The following SLC9C1 variants were observed in gnomAD, a reference collection of about 807,000 sequenced individuals.
The protein encoded by SLC9C1 is sodium/hydrogen exchanger 10.
A neutral mutation model predicts 140.9 loss-of-function variants in SLC9C1; 97 were observed. That is an observed-to-expected ratio of 0.69 (90% CI 0.58 to 0.82). The LOEUF is 0.82. Among genes scored for constraint, SLC9C1 ranks in the 40% least tolerant of loss-of-function variants. SLC9C1 has a pLI of 0.00. For missense variants in SLC9C1, 1,340 were observed against 1,389.3 expected (o/e 0.96, Z 0.56); for synonymous variants, 440 against 442.6 (o/e 0.99, Z 0.07).
chr3:112,171,473 T>C (rs1485596062), intron 23 of SLC9C1, among the ~76,000 whole-genome samples: 2 of 152,218 alleles, frequency 1.3e-5, no homozygotes, highest in African/African-American at 4.8e-5. Context: ...TTCTTATTTT[T>C]GAATTGTTAA....
At chr3:112,234,787 T>C (rs2078937401) in intron 12 of SLC9C1, among the ~76,000 whole-genome samples, 1 of 152,180 alleles carries the variant, frequency 6.6e-6, no homozygotes, top group South Asian at 2.1e-4. Flanking sequence ...CAGATAGTTG[T>C]AGATGTGTGG....
intron 17 of SLC9C1, 110 bp downstream of exon 17, chr3:112,204,108 C>T: frequency 8.5e-7 from 1 of 1,174,502 alleles, no homozygotes; most frequent in South Asian, 2.9e-5. Context: ...AAAATATAAA[C>T]ATTAACCCAA....
chr3:112,195,128 C>A (rs541742117), intron 20 of SLC9C1, among the ~76,000 whole-genome samples: 1 of 152,030 alleles, frequency 6.6e-6, no homozygotes, highest in African/African-American at 2.4e-5. Flanking sequence ...TCCAAATTTT[C>A]CTGAAGTGCA....
At chr3:112,276,059 A>C (rs192457177) in intron 5 of SLC9C1, among the ~76,000 whole-genome samples, 121 of 152,240 alleles carry the variant, frequency 7.9e-4, no homozygotes, top group African/African-American at 2.7e-3. Flanking sequence ...CCAGCTGATT[A>C]CAGATTCCTT....
intron 10 of SLC9C1, among the ~76,000 whole-genome samples, chr3:112,256,409 G>T (rs1254795602): frequency 1.3e-5 from 2 of 152,132 alleles, no homozygotes; most frequent in Non-Finnish European, 2.9e-5. Flanking sequence ...GGGATGCAAG[G>T]TTGGTTCAAT....
At chr3:112,225,420 A>T (rs1219682919) in intron 13 of SLC9C1, among the ~76,000 whole-genome samples, 1 of 152,156 alleles carries the variant, frequency 6.6e-6, no homozygotes, top group Non-Finnish European at 1.5e-5. Flanking sequence ...GATTGTAAAA[A>T]CATATAAAAC....
chr3:112,231,627 A>T, intron 12 of SLC9C1, 141 bp from the exon 13 acceptor site: 1 of 778,686 alleles, frequency 1.3e-6, no homozygotes, highest in Non-Finnish European at 2.0e-6. Flanking sequence ...TCAGATCCTC[A>T]TCATTTGCTC....
At chr3:112,260,966 A>C (rs561047877) in intron 10 of SLC9C1, among the ~76,000 whole-genome samples, 1 of 151,990 alleles carries the variant, frequency 6.6e-6, no homozygotes, top group Non-Finnish European at 1.5e-5. Flanking sequence ...TGCCTCCCCA[A>C]ATTCTAGCTA....
chr3:112,216,748 C>T (rs1348114390), intron 15 of SLC9C1, among the ~76,000 whole-genome samples: 1 of 152,220 alleles, frequency 6.6e-6, no homozygotes, highest in Non-Finnish European at 1.5e-5. Context: ...CACATTTACA[C>T]TGTTTGTGGG....
At chr3:112,271,777 G>A (rs1463707676) in intron 6 of SLC9C1, among the ~76,000 whole-genome samples, 1 of 152,118 alleles carries the variant, frequency 6.6e-6, no homozygotes, top group Non-Finnish European at 1.5e-5. Context: ...CTAGGCCTCA[G>A]TTGGGTGAAT....
chr3:112,227,038 A>G (rs1181721610), intron 13 of SLC9C1, among the ~76,000 whole-genome samples: 1 of 152,144 alleles, frequency 6.6e-6, no homozygotes, highest in African/African-American at 2.4e-5. Context: ...ATTACAGACT[A>G]TTATGAACAA....
chr3:112,226,460 G>A (rs1269812952), intron 13 of SLC9C1, among the ~76,000 whole-genome samples: 1 of 151,956 alleles, frequency 6.6e-6, no homozygotes, highest in Non-Finnish European at 1.5e-5. Context: ...GGTGGCTTAT[G>A]CCTGTAATCC....
At chr3:112,188,920 GC>G (rs2077592774) in intron 20 of SLC9C1, among the ~76,000 whole-genome samples, 2 of 152,062 alleles carry the variant, frequency 1.3e-5, no homozygotes, top group Non-Finnish European at 2.9e-5. Context: ...TTTAATGATC[GC>G]CATTCTAACT....
chr3:112,207,371 G>T (rs1295745348), intron 16 of SLC9C1, among the ~76,000 whole-genome samples: 1 of 152,186 alleles, frequency 6.6e-6, no homozygotes, highest in African/African-American at 2.4e-5. Flanking sequence ...CTACCTATAT[G>T]ATCTACGGCT....
intron 28 of SLC9C1, among the ~76,000 whole-genome samples, chr3:112,142,041 A>G (rs947439863): frequency 2.0e-5 from 3 of 152,194 alleles, no homozygotes; most frequent in African/African-American, 7.2e-5. Flanking sequence ...AGTGCCTTGG[A>G]CGTTTTGTAC....
chr3:112,171,511 TC>T (rs1243752689), intron 23 of SLC9C1, among the ~76,000 whole-genome samples: 9 of 152,230 alleles, frequency 5.9e-5, no homozygotes, highest in Non-Finnish European at 1.0e-4. Flanking sequence ...TATTATCAAA[TC>T]CTTTTCTTGG....
intron 20 of SLC9C1, among the ~76,000 whole-genome samples, chr3:112,188,978 T>C (rs1382040285): frequency 2.0e-5 from 3 of 152,250 alleles, no homozygotes; most frequent in South Asian, 2.1e-4. Context: ...ATTTCTCTGA[T>C]GACTAGTGAT....
intron 10 of SLC9C1, among the ~76,000 whole-genome samples, chr3:112,253,623 G>A (rs777026459): frequency 1.3e-5 from 2 of 152,166 alleles, no homozygotes; most frequent in Non-Finnish European, 2.9e-5. Context: ...GAAGTCTACT[G>A]ACTGCACACA....
chr3:112,141,332 T>C, intron 28 of SLC9C1, 51 bp from the exon 29 acceptor site: 1 of 1,550,936 alleles, frequency 6.4e-7, no homozygotes, highest in Non-Finnish European at 8.7e-7. Flanking sequence ...TTTGAATCTT[T>C]CAATATTGAC....
Sources: gnomAD v4.1 joint callset for allele counts (sites outside exome capture counted in the v4.1 genomes callset) on GRCh38, gnomAD v4.1.1 for gene constraint, MANE v1.5 for transcripts, NCBI Gene and HGNC (gene_info 2026-07-23, HGNC 2026-07-21) for gene names.